Variants in PACRG observed in about 807,000 individuals in gnomAD.
The protein encoded by PACRG is parkin coregulated.
Under a neutral mutation model 29.7 loss-of-function variants are expected in PACRG, and 29 were observed. That is an observed-to-expected ratio of 0.98 (90% CI 0.73 to 1.33). The LOEUF is 1.33. PACRG is among the 40% of genes most tolerant of loss of function. The pLI is 0.00. For missense variants in PACRG, 279 were observed against 316.2 expected (o/e 0.88, Z 0.89); for synonymous variants, 116 against 118.7 (o/e 0.98, Z 0.15).
intron 2 of PACRG, among the ~76,000 whole-genome samples, chr6:162,869,876 G>T (rs115869706): frequency 2.0e-5 from 3 of 152,232 alleles, no homozygotes; most frequent in African/African-American, 7.2e-5. Flanking sequence ...TATACTATGA[G>T]CCCTGTTGAC....
intron 1 of PACRG, among the ~76,000 whole-genome samples, chr6:162,729,999 C>T (rs73601907): frequency 0.059 from 8,917 of 151,666 alleles, 846 homozygotes; most frequent in African/African-American, 0.2. Context: ...CATTGGAAAT[C>T]GTAATTCTTA....
At chr6:162,857,800 T>G (rs1286238084) in intron 2 of PACRG, among the ~76,000 whole-genome samples, 3 of 151,712 alleles carry the variant, frequency 2.0e-5, no homozygotes, top group Non-Finnish European at 4.4e-5. Context: ...GTCTCTTTAA[T>G]AAACTAGATC....
chr6:162,844,751 T>G (rs955377414), intron 2 of PACRG, among the ~76,000 whole-genome samples: 1 of 152,260 alleles, frequency 6.6e-6, no homozygotes, highest in African/African-American at 2.4e-5. Flanking sequence ...TTTCATTTCT[T>G]ATTGATCACA....
intron 4 of PACRG, among the ~76,000 whole-genome samples, chr6:163,279,254 G>A (rs978638205): frequency 2.0e-5 from 3 of 152,012 alleles, no homozygotes; most frequent in Non-Finnish European, 2.9e-5. Flanking sequence ...TTGGGTTTTC[G>A]AGGTATACCA....
At chr6:162,798,415 A>G (rs1212587179) in intron 1 of PACRG, among the ~76,000 whole-genome samples, 1 of 152,130 alleles carries the variant, frequency 6.6e-6, no homozygotes, top group African/African-American at 2.4e-5. Flanking sequence ...GAATCCCTCA[A>G]TGATCTCCAT....
chr6:162,760,516 A>G (rs900899200), intron 1 of PACRG, among the ~76,000 whole-genome samples: 5 of 152,182 alleles, frequency 3.3e-5, no homozygotes, highest in African/African-American at 1.2e-4. Context: ...GAACCAGGGT[A>G]CCAAGAGACT....
intron 2 of PACRG, among the ~76,000 whole-genome samples, chr6:163,047,062 C>T (rs1427733378): frequency 2.6e-5 from 4 of 152,152 alleles, no homozygotes; most frequent in Non-Finnish European, 4.4e-5. Context: ...TATTAAAATT[C>T]GCAGTACATT....
chr6:163,273,867 G>A (rs1003988753), intron 4 of PACRG, among the ~76,000 whole-genome samples: 1 of 151,878 alleles, frequency 6.6e-6, no homozygotes, highest in East Asian at 1.9e-4. Flanking sequence ...CATTTATTTT[G>A]TTGCTCCTTG....
chr6:163,010,442 A>G (rs2128209928), intron 2 of PACRG, among the ~76,000 whole-genome samples: 1 of 152,284 alleles, frequency 6.6e-6, no homozygotes, highest in South Asian at 2.1e-4. Context: ...AAATGCAATT[A>G]TCTCCCACTT....
chr6:162,774,922 C>G (rs6936373), intron 1 of PACRG, among the ~76,000 whole-genome samples: 40,992 of 152,040 alleles, frequency 0.27, 6,223 homozygotes, highest in East Asian at 0.47. Context: ...CTTTGTTTTG[C>G]TGGTAGTCAG....
At chr6:162,943,973 G>T (rs1798816594) in intron 2 of PACRG, among the ~76,000 whole-genome samples, 1 of 152,072 alleles carries the variant, frequency 6.6e-6, no homozygotes, top group Non-Finnish European at 1.5e-5. Flanking sequence ...CACCTGCCCA[G>T]CCCACAGCTG....
intron 1 of PACRG, among the ~76,000 whole-genome samples, chr6:162,810,122 C>T (rs9346933): frequency 0.75 from 113,614 of 151,984 alleles, 43,209 homozygotes; most frequent in African/African-American, 0.9. Flanking sequence ...GCCAGGAGGG[C>T]ATCAGTGGAG....
At chr6:163,024,883 A>G (rs1225319161) in intron 2 of PACRG, among the ~76,000 whole-genome samples, 1 of 152,220 alleles carries the variant, frequency 6.6e-6, no homozygotes, top group Non-Finnish European at 1.5e-5. Flanking sequence ...CACCATGATC[A>G]AGTAGGCTTT....
chr6:162,803,520 A>G (rs1045082856), intron 1 of PACRG, among the ~76,000 whole-genome samples: 6 of 152,210 alleles, frequency 3.9e-5, no homozygotes, highest in African/African-American at 1.4e-4. Context: ...TGGAGGCAAA[A>G]AGAGCAAATA....
chr6:163,195,769 T>C (rs1780425976), intron 4 of PACRG, among the ~76,000 whole-genome samples: 1 of 152,080 alleles, frequency 6.6e-6, no homozygotes, highest in South Asian at 2.1e-4. Flanking sequence ...TCACGCTGCT[T>C]TCAAAGTTTC....
chr6:162,839,369 T>G (rs754238745), intron 2 of PACRG, among the ~76,000 whole-genome samples: 2 of 130,496 alleles, frequency 1.5e-5, no homozygotes, highest in African/African-American at 3.0e-5. Context: ...TTTCATGTGT[T>G]TTTTGGCTGC....
intron 2 of PACRG, among the ~76,000 whole-genome samples, chr6:162,926,033 A>G (rs1487963516): frequency 6.6e-6 from 1 of 152,126 alleles, no homozygotes; most frequent in Non-Finnish European, 1.5e-5. Context: ...GAGCCAAATC[A>G]TGAATGAACT....
At chr6:162,830,101 C>T (rs991506786) in intron 2 of PACRG, among the ~76,000 whole-genome samples, 1 of 152,082 alleles carries the variant, frequency 6.6e-6, no homozygotes, top group African/African-American at 2.4e-5. Flanking sequence ...ATTTTTTTCT[C>T]TTCTCTCACC....
intron 4 of PACRG, among the ~76,000 whole-genome samples, chr6:163,283,672 G>A (rs931600506): frequency 6.6e-6 from 1 of 151,616 alleles, no homozygotes; most frequent in East Asian, 1.9e-4. Context: ...GCGGTGGCGG[G>A]CGCCTGTAGT....
Sources: allele counts gnomAD v4.1 joint callset (sites outside exome capture counted in the v4.1 genomes callset), GRCh38; gene constraint gnomAD v4.1.1; transcripts MANE v1.5; gene names NCBI Gene and HGNC (gene_info 2026-07-23, HGNC 2026-07-21).